Variants in CELF4 observed in about 807,000 individuals in gnomAD.
CELF4 encodes the protein CUGBP Elav-like family member 4, also known as CUG-BP- and ETR-3-like factor 4.
CELF4 carries 18 observed loss-of-function variants against 59.9 expected under a neutral mutation model. The observed-to-expected ratio is 0.30, with a 90% CI of 0.21 to 0.45. The LOEUF (loss-of-function observed/expected upper bound fraction) is 0.45, where lower values mean the gene tolerates loss of function less well. CELF4 is among the 20% of genes least tolerant of loss of function. CELF4 has a pLI of 1.00. For synonymous variants in CELF4, 261 were observed against 267.1 expected (o/e 0.98, Z 0.22); for missense variants, 456 against 689.0 (o/e 0.66, Z 3.79).
chr18:37,442,779 A>T (rs2099736347), intron 2 of CELF4, among the ~76,000 whole-genome samples: 1 of 152,208 alleles, frequency 6.6e-6, no homozygotes, highest in Non-Finnish European at 1.5e-5. Flanking sequence ...ATGGGAATGA[A>T]CAAGACGTCT....
chr18:37,443,277 G>A (rs1255611672), intron 2 of CELF4, among the ~76,000 whole-genome samples: 1 of 151,996 alleles, frequency 6.6e-6, no homozygotes, highest in Admixed American at 6.5e-5. Flanking sequence ...GAAAAGACCT[G>A]GACCATCATT....
intron 2 of CELF4, among the ~76,000 whole-genome samples, chr18:37,472,312 C>A (rs1232318751): frequency 6.6e-6 from 1 of 152,244 alleles, no homozygotes; most frequent in Non-Finnish European, 1.5e-5. Context: ...GTTGGCCCCT[C>A]CCTGCGGCCA....
intron 10 of CELF4, among the ~76,000 whole-genome samples, chr18:37,264,173 C>T (rs1177275361): frequency 6.6e-6 from 1 of 152,252 alleles, no homozygotes; most frequent in East Asian, 1.9e-4. Context: ...GGGCCTCTGT[C>T]TCCTCTGGAA....
intron 3 of CELF4, among the ~76,000 whole-genome samples, chr18:37,313,799 G>A (rs2096762545): frequency 1.3e-5 from 2 of 152,264 alleles, no homozygotes; most frequent in Non-Finnish European, 1.5e-5. Context: ...GGGGCCAGGA[G>A]GATGCAATCG....
chr18:37,496,791 C>T (rs2099925671), intron 1 of CELF4, among the ~76,000 whole-genome samples: 1 of 152,224 alleles, frequency 6.6e-6, no homozygotes, highest in African/African-American at 2.4e-5. Flanking sequence ...CTGCACCCAA[C>T]ATCAATACGG....
At chr18:37,272,240 T>G (rs1024229943) in intron 7 of CELF4, among the ~76,000 whole-genome samples, 1 of 152,188 alleles carries the variant, frequency 6.6e-6, no homozygotes, top group African/African-American at 2.4e-5. Context: ...TGGGGCCAGA[T>G]AGTTCCTTGT....
chr18:37,271,486 C>A (rs2091266433), intron 7 of CELF4, among the ~76,000 whole-genome samples: 1 of 152,108 alleles, frequency 6.6e-6, no homozygotes, highest in Non-Finnish European at 1.5e-5. Flanking sequence ...GAACTCCTGA[C>A]CTCAAGTGAT....
At chr18:37,258,970 G>A in intron 11 of CELF4, 1 of 643,960 alleles carries the variant, frequency 1.6e-6, no homozygotes, top group East Asian at 2.8e-5. Context: ...TAGTGGGAGA[G>A]AGAAGGGTGA....
Position 37,281,808 on chromosome 18 carries a change from C to G in CELF4, c.449-6565G>C, listed in dbSNP as rs796768151. Among the ~76,000 whole-genome samples the G allele has an allele frequency of 3.0e-4, 46 of 152,288 alleles. 1 individual carries two copies. The South Asian group carries it at 9.3e-3, about 31-fold the overall frequency. ...AGGGTCATCCCATGCAGTGGCCCCC[C>G]CAGGGTGCCTCCTGGATCCCAGGGT... On this transcript the variant is annotated intron_variant, in intron 3 of 12. Coordinates refer to ENST00000420428, the MANE Select transcript of CELF4 (RefSeq NM_020180.4).
chr18:37,470,538 C>T (rs1018023727), intron 2 of CELF4, among the ~76,000 whole-genome samples: 3 of 152,260 alleles, frequency 2.0e-5, no homozygotes, highest in African/African-American at 7.2e-5. Context: ...TGAGAACAGA[C>T]CCAAATGTGG....
intron 1 of CELF4, among the ~76,000 whole-genome samples, chr18:37,534,223 A>G (rs1188287647): frequency 6.6e-6 from 1 of 152,160 alleles, no homozygotes; most frequent in East Asian, 1.9e-4. Flanking sequence ...TAATGGCACT[A>G]CAATTTGGTT....
rs1328834683 is a variant in CELF4 at position 37,478,767 on chromosome 18, C to T, written c.369+6758G>A. 1.3e-5 allele frequency among the ~76,000 whole-genome samples: 2 copies of T among 152,342 alleles called. 1 individual carries two copies. The highest frequency in any genetic ancestry group is 1.3e-4 in the Admixed American group (2 of 15,306). On this transcript the variant is annotated intron_variant, in intron 2 of 12. Coordinates refer to ENST00000420428, the MANE Select transcript of CELF4 (RefSeq NM_020180.4). Reference sequence around the variant, plus strand: ...ATGTAGCCCCTATACCCATCTGTCCCTCAGTACCTGGATTTAAAGTGCTTT... The same window carrying T: ...ATGTAGCCCCTATACCCATCTGTCCTTCAGTACCTGGATTTAAAGTGCTTT...
At position 37,509,927 on chromosome 18, in the gene CELF4, T is replaced by C. The variant is rs988018087; in HGVS notation, c.287-24320A>G. Among the ~76,000 whole-genome samples the C allele has an allele frequency of 4.6e-5, 7 of 152,226 alleles. 1 individual carries two copies. Among genetic ancestry groups the C allele is most frequent in the Non-Finnish European group, 5.9e-5 (4 of 68,038 alleles). On this transcript the variant is annotated intron_variant, in intron 1 of 12. Transcript: ENST00000420428. ...GACACAAGAGGTCACATATTATTGA[T>C]TCCATTTATAGGAAACATCCAGAAT...
chr18:37,285,655 G>T (rs776078599), intron 3 of CELF4, among the ~76,000 whole-genome samples: 1 of 152,142 alleles, frequency 6.6e-6, no homozygotes, highest in Non-Finnish European at 1.5e-5. Flanking sequence ...GAGGGGTCTG[G>T]GGACTGTCCC....
chr18:37,319,370 G>A (rs960908424), intron 3 of CELF4, among the ~76,000 whole-genome samples: 1 of 152,184 alleles, frequency 6.6e-6, no homozygotes, highest in Admixed American at 6.5e-5. Flanking sequence ...TGACTACCGG[G>A]GTCCTTAGGA....
chr18:37,474,265 G>T (rs1324787124), intron 2 of CELF4, among the ~76,000 whole-genome samples: 2 of 152,222 alleles, frequency 1.3e-5, no homozygotes, highest in Admixed American at 1.3e-4. Flanking sequence ...ACACAGTAAG[G>T]CTCCAGGCAG....
chr18:37,265,376 A>G (rs1313833535), intron 9 of CELF4, among the ~76,000 whole-genome samples: 4 of 152,184 alleles, frequency 2.6e-5, no homozygotes, highest in Non-Finnish European at 5.9e-5. Context: ...AGAATCATGG[A>G]TAATTAAAAA....
At chr18:37,400,173 A>C (rs1009367408) in intron 2 of CELF4, among the ~76,000 whole-genome samples, 4 of 152,228 alleles carry the variant, frequency 2.6e-5, no homozygotes, top group Non-Finnish European at 5.9e-5. Flanking sequence ...TCTTTGAGGA[A>C]GAAGAAATTC....
intron 1 of CELF4, 154 bp from the exon 2 acceptor site, chr18:37,485,761 CTCTGCCTCTCGGTGTTCCCGGCTG>C (rs2099879937): frequency 2.0e-5 from 8 of 402,786 alleles, no homozygotes; most frequent in Admixed American, 4.5e-5. Flanking sequence ...CTCGGAGCTT[CTCTGCCTCTCGGTGTTCCCGGCTG>C]TCTGCCTCTC....
Sources: gnomAD v4.1 joint callset for allele counts (sites outside exome capture counted in the v4.1 genomes callset) on GRCh38, gnomAD v4.1.1 for gene constraint, MANE v1.5 for transcripts, NCBI Gene and HGNC (gene_info 2026-07-23, HGNC 2026-07-21) for gene names.